PHF14: variants seen among roughly 807,000 people sequenced by gnomAD.
PHF14 encodes PHD finger protein 14.
In PHF14, 55 loss-of-function variants were observed where a neutral mutation model predicts 117.9. The ratio of observed to expected loss-of-function variants is 0.47; its 90% CI spans 0.38 to 0.58. The LOEUF is 0.58. PHF14 is among the 20% of genes least tolerant of loss of function. The pLI is 0.00. For synonymous variants in PHF14, 409 were observed against 368.6 expected (o/e 1.11, Z -1.26); for missense variants, 978 against 1,122.2 (o/e 0.87, Z 1.84).
chr7:11,129,983 G>T (rs1788048898), intron 17 of PHF14, among the ~76,000 whole-genome samples: 1 of 152,062 alleles, frequency 6.6e-6, no homozygotes, highest in South Asian at 2.1e-4. Context: ...TATTAATTAG[G>T]ATATGCTAAG....
chr7:11,166,763 C>T (rs1789212748), intron 17 of PHF14, among the ~76,000 whole-genome samples: 1 of 152,090 alleles, frequency 6.6e-6, no homozygotes, highest in Admixed American at 6.6e-5. Flanking sequence ...AAGAGATTGG[C>T]TCTTATTTGT....
intron 17 of PHF14, among the ~76,000 whole-genome samples, chr7:11,141,653 T>C (rs1788401318): frequency 6.6e-6 from 1 of 152,104 alleles, no homozygotes; most frequent in African/African-American, 2.4e-5. Flanking sequence ...AGGGAAGTTT[T>C]ATCTTATTTA....
chr7:11,106,006 T>A (rs1787248202), intron 16 of PHF14: 1 of 984,804 alleles, frequency 1.0e-6, no homozygotes, highest in Non-Finnish European at 1.2e-6. Context: ...CATGAGCAGA[T>A]GGAAATCAGT....
chr7:11,162,934 T>C (rs181689886), intron 17 of PHF14, among the ~76,000 whole-genome samples: 1 of 152,316 alleles, frequency 6.6e-6, no homozygotes, highest in East Asian at 1.9e-4. Context: ...TGCTCCAGAA[T>C]CATGAATTGG....
At chr7:11,122,340 T>C (rs1787781141) in intron 17 of PHF14, among the ~76,000 whole-genome samples, 2 of 88,934 alleles carry the variant, frequency 2.2e-5, no homozygotes, top group Non-Finnish European at 4.1e-5. Flanking sequence ...TTTATATATA[T>C]ATATATATAT....
rs145640943 is a variant in PHF14, at chr7:10,985,062, T to A, written c.900+1903T>A. 3.5e-3 allele frequency among the ~76,000 whole-genome samples: 533 copies of A among 152,302 alleles called. 6 individuals carry two copies. The highest frequency in any genetic ancestry group is 0.012 in the African/African-American group (517 of 41,570). On this transcript the variant is annotated intron_variant, in intron 3 of 17. Transcript: ENST00000634607. ...GCTCTACAGTAGTTTTTTGATGATT[T>A]TAGTTTATTTAAATTATGTCCCTCA...
chr7:10,985,508 A>C (rs1782184872), intron 3 of PHF14, among the ~76,000 whole-genome samples: 2 of 152,010 alleles, frequency 1.3e-5, no homozygotes, highest in African/African-American at 4.8e-5. Flanking sequence ...GAAGTTTCTT[A>C]AGGGAACTTG....
Position 11,028,701 on chromosome 7 carries a change from C to T in PHF14, c.1338C>T (p.Asp446=). 6.2e-7 allele frequency: 1 copy of T among 1,613,602 alleles called. No homozygotes were observed. Among genetic ancestry groups the T allele is most frequent in the Non-Finnish European group, 8.5e-7 (1 of 1,179,690 alleles). ...YGAKECSFCE[D]PRFARTGVCI... is the part of the protein sequence containing the mutation. ...TGTAGGAGTGTAGCTTTTGTGAAGA[C>T]CCTCGCTTTGCTAGAACTGGGGTTT... is the stretch of plus-strand genomic sequence containing the variant. Residue 446 remains aspartate, a synonymous_variant, in exon 7 of 18, where the codon GAC becomes GAT. Coordinates refer to ENST00000634607, the MANE Select transcript of PHF14 (RefSeq NM_001007157.2).
chr7:11,111,331 A>T lies in PHF14; in HGVS notation c.2655-19A>T. ...ATATTATTTAGATACACCTACCTATAAATCTGTTTACCCTGCAGGTGTGAT... is the reference window on the plus strand; with the variant it reads ...ATATTATTTAGATACACCTACCTATTAATCTGTTTACCCTGCAGGTGTGAT... On this transcript the variant is annotated intron_variant, in intron 16 of 17. Transcript: ENST00000634607. The T allele has an allele frequency of 8.1e-7, 1 of 1,233,010 alleles. No homozygotes were observed. The highest frequency in any genetic ancestry group is 2.4e-5 in the East Asian group (1 of 42,182). The allele number at this position is 1,233,010 out of a possible 1,614,324, so 76.4% of individuals were successfully genotyped here.
At chr7:11,122,488 T>C (rs1393167360) in intron 17 of PHF14, among the ~76,000 whole-genome samples, 1 of 146,580 alleles carries the variant, frequency 6.8e-6, no homozygotes, top group Non-Finnish European at 1.5e-5. Context: ...GGGTAGTGAT[T>C]CATACATATA....
In PHF14 at chr7:11,036,628, G is replaced by T; in HGVS notation, c.1813G>T (p.Asp605Tyr). ...VDNSDTSSSV[D>Y]GRRKHKQPAL... The stretch of plus-strand genomic sequence containing the variant: ...CAATTCAGATACTAGTTCTAGTGTG[G>T]ATGGAAGGAGAAAACATAAGCAACC... Residue 605 changes from aspartate (D) to tyrosine (Y), a missense_variant, in exon 9 of 18, where the codon GAT becomes TAT. Transcript: ENST00000634607. 6.2e-7 allele frequency: 1 copy of T among 1,613,846 alleles called. No homozygotes were observed. The highest frequency in any genetic ancestry group is 1.1e-5 in the South Asian group (1 of 91,076).
At chr7:11,007,871 C>T (rs773666344) in intron 4 of PHF14, among the ~76,000 whole-genome samples, 10 of 152,028 alleles carry the variant, frequency 6.6e-5, no homozygotes, top group East Asian at 1.9e-4. Context: ...TGCCAAATTT[C>T]GCTTATTGAA....
At chr7:10,986,489 C>T (rs1215688910) in intron 3 of PHF14, among the ~76,000 whole-genome samples, 1 of 152,130 alleles carries the variant, frequency 6.6e-6, no homozygotes. Flanking sequence ...ATGAAAACTG[C>T]CTTTACCTTT....
intron 10 of PHF14, 69 bp from the exon 11 acceptor site, chr7:11,038,691 T>C (rs1784397165): frequency 1.8e-6 from 1 of 547,446 alleles, no homozygotes; most frequent in Non-Finnish European, 3.1e-6. Flanking sequence ...ATATGTGGAA[T>C]AGAAATGTAG....
intron 17 of PHF14, among the ~76,000 whole-genome samples, chr7:11,151,694 A>G (rs1179664403): frequency 6.6e-6 from 1 of 152,158 alleles, no homozygotes; most frequent in Non-Finnish European, 1.5e-5. Flanking sequence ...AATGTTCCCA[A>G]GACCCCCAGG....
rs1012840469 is a variant in PHF14, at chr7:11,107,271, A to G, written c.2655-4079A>G. 3.9e-5 allele frequency: 38 copies of G among 978,572 alleles called. No individual in the cohort carries two copies. In the African/African-American group the frequency reaches 6.5e-4, roughly 17 times the overall value. 60.6% of individuals were successfully genotyped at this position (978,572 alleles called of 1,614,324 possible). ...TATGGATCATAGCACATATGAAGGT[A>G]AATCATTTTTTTCCCTCTTCTTTGT... is the stretch of plus-strand genomic sequence containing the variant. On this transcript the variant is annotated intron_variant, in intron 16 of 17. Coordinates refer to ENST00000634607, the MANE Select transcript of PHF14 (RefSeq NM_001007157.2).
chr7:11,153,544 T>G (rs1424749625), intron 17 of PHF14, among the ~76,000 whole-genome samples: 1 of 152,134 alleles, frequency 6.6e-6, no homozygotes, highest in Admixed American at 6.5e-5. Context: ...AAGATATAAA[T>G]GGGAAAGTCA....
At chr7:11,079,092 C>A (rs961269849) in intron 16 of PHF14, among the ~76,000 whole-genome samples, 1 of 152,118 alleles carries the variant, frequency 6.6e-6, no homozygotes, top group Non-Finnish European at 1.5e-5. Flanking sequence ...TTAAGGTTAT[C>A]AGTTTTTGAA....
Position 11,035,691 on chromosome 7 carries a change from G to C in PHF14, c.1507G>C (p.Asp503His). ...AYCKQHADRL[D>H]RKWKRKNYLA... ...TTGTAAGCAACATGCAGATAGGTTA[G>C]ACAGAAAGTGGAAGAGAAAAAACTA... is the stretch of plus-strand genomic sequence containing the variant. The change falls in exon 8 of 18, where the codon GAC becomes CAC. Residue 503 changes from aspartate (D) to histidine (H), a missense_variant. Physicochemically the swap from Asp to His is moderately conservative, Grantham distance 81. Around this residue, in one of 7 missense-constraint regions of PHF14, gnomAD observed 23 missense variants for 66.8 expected, o/e 0.34. Coordinates refer to ENST00000634607, the MANE Select transcript of PHF14 (RefSeq NM_001007157.2). 6.2e-7 allele frequency: 1 copy of C among 1,610,474 alleles called. No individual in the cohort carries two copies. Among genetic ancestry groups the C allele is most frequent in the Non-Finnish European group, 8.5e-7 (1 of 1,177,066 alleles).
Sources: allele counts gnomAD v4.1 joint callset (sites outside exome capture counted in the v4.1 genomes callset), GRCh38; gene constraint gnomAD v4.1.1; regional missense constraint gnomAD v4.1.1; transcripts MANE v1.5; gene names NCBI Gene and HGNC (gene_info 2026-07-23, HGNC 2026-07-21).